The following STK32A variants were observed in gnomAD, a reference collection of about 807,000 sequenced individuals.
STK32A encodes serine/threonine kinase 32A.
A neutral mutation model predicts 53.2 loss-of-function variants in STK32A; 41 were observed. The observed-to-expected ratio is 0.77, with a 90% confidence interval of 0.60 to 1.00. The LOEUF (loss-of-function observed/expected upper bound fraction) is 1.00, where lower values mean the gene tolerates loss of function less well. Ranked by LOEUF, STK32A falls within the 50% of genes least tolerant of loss-of-function variation. STK32A has a pLI of 0.00. For synonymous variants in STK32A, 166 were observed against 162.8 expected (o/e 1.02, Z -0.15); for missense variants, 458 against 485.8 (o/e 0.94, Z 0.54).
At chr5:147,362,617 T>C (rs1204724012) in intron 8 of STK32A, among the ~76,000 whole-genome samples, 1 of 152,198 alleles carries the variant, frequency 6.6e-6, no homozygotes, top group African/African-American at 2.4e-5. Context: ...CATGTCCTTC[T>C]CATATGCAAA....
intron 2 of STK32A, among the ~76,000 whole-genome samples, chr5:147,261,627 C>T (rs4705146): frequency 0.3 from 44,999 of 151,838 alleles, 7,026 homozygotes; most frequent in African/African-American, 0.36. Flanking sequence ...ATTGAACATA[C>T]TGACATATTA....
rs191310031 is a variant in STK32A at position 147,374,625 on chromosome 5, A to C, written c.904-465A>C. On this transcript the variant is annotated intron_variant, in intron 10 of 12. Coordinates refer to ENST00000397936, the MANE Select transcript of STK32A (RefSeq NM_001112724.2). ...TGCAATTAGCCATCAATGCTGGCTC[A>C]AAAGAAGTTCTACGTTATGCTTCTC... Among the ~76,000 whole-genome samples the C allele has an allele frequency of 7.9e-5, 12 of 152,280 alleles. No individual in the cohort carries two copies. The East Asian group carries it at 1.9e-3, about 25-fold the overall frequency.
At position 147,239,111 on chromosome 5, in the gene STK32A, T is replaced by A. The variant is rs185674113; in HGVS notation, c.-96-428T>A. Among the ~76,000 whole-genome samples, 480 of 152,312 alleles carry A rather than the reference T, an allele frequency of 3.2e-3. 3 individuals are homozygous for A. The highest frequency in any genetic ancestry group is 3.7e-3 in the Admixed American group (56 of 15,294). ...AGTCCAACCCAGAACTTGCTTCTTTTACATTGTAGTACCCTCCAGGGTATG... is the reference window on the plus strand; with the variant it reads ...AGTCCAACCCAGAACTTGCTTCTTTAACATTGTAGTACCCTCCAGGGTATG... On this transcript the variant is annotated intron_variant, in intron 1 of 12. Coordinates refer to ENST00000397936, the MANE Select transcript of STK32A (RefSeq NM_001112724.2).
At chr5:147,394,963 T>C in the STK32A span, among the ~76,000 whole-genome samples, 1 of 152,212 alleles carries the variant, frequency 6.6e-6, no homozygotes, top group South Asian at 2.1e-4. Context: ...TTCTCCATTT[T>C]AAGACTACTG....
rs1754496851 is a variant in STK32A, at chr5:147,260,317, CTT to C, written c.53-17806_53-17805del. Among the ~76,000 whole-genome samples the C allele has an allele frequency of 3.0e-5, 4 of 131,812 alleles. No individual in the cohort carries two copies. In the South Asian group the frequency reaches 7.3e-4, roughly 24 times the overall value. 86.5% of individuals were successfully genotyped at this position (131,812 alleles called of 152,430 possible). A position where few individuals can be genotyped will look rare whatever the true frequency, so the allele number is the denominator to read the frequency against. On this transcript the variant is annotated intron_variant, in intron 2 of 12. Coordinates refer to ENST00000397936, the MANE Select transcript of STK32A (RefSeq NM_001112724.2). ...CCTGTCTCTCTCTCTCTCTCTCTCT[CTT>C]CTCCGTCTCTATCTGTCTCACTCTC... is the stretch of plus-strand genomic sequence containing the variant.
intron 2 of STK32A, among the ~76,000 whole-genome samples, chr5:147,269,483 G>C (rs4440418): frequency 6.6e-6 from 1 of 151,828 alleles, no homozygotes; most frequent in African/African-American, 2.4e-5. Flanking sequence ...GAAGCCAGAC[G>C]TGTGGGCAAC....
chr5:147,394,487 C>G, the STK32A span, among the ~76,000 whole-genome samples: 4 of 152,104 alleles, frequency 2.6e-5, no homozygotes, highest in Non-Finnish European at 5.9e-5. Context: ...AGAGAGGTGC[C>G]CTTATCTGTT....
At chr5:147,342,642 C>G (rs973200660) in intron 5 of STK32A, 1 of 208,412 alleles carries the variant, frequency 4.8e-6, no homozygotes, top group African/African-American at 2.3e-5. Context: ...CTTAATACTA[C>G]TAACATTACT....
At chr5:147,259,439 G>A (rs568999043) in intron 2 of STK32A, among the ~76,000 whole-genome samples, 6 of 152,190 alleles carry the variant, frequency 3.9e-5, no homozygotes, top group Non-Finnish European at 8.8e-5. Flanking sequence ...AGTGCTTTCA[G>A]GCTATGCCCT....
Position 147,259,553 on chromosome 5 carries a change from T to A in STK32A, c.53-18571T>A, listed in dbSNP as rs547315929. Among the ~76,000 whole-genome samples, 19 of 150,392 alleles carry A rather than the reference T, an allele frequency of 1.3e-4. No individual in the cohort carries two copies. The South Asian group carries it at 3.4e-3, about 27-fold the overall frequency. ...AAATTTACCCTGGCTTTTTTTTTTT[T>A]ATTATTATACTTTAAGTCCTAGGGT... is the stretch of plus-strand genomic sequence containing the variant. On this transcript the variant is annotated intron_variant, in intron 2 of 12. Coordinates refer to ENST00000397936, the MANE Select transcript of STK32A (RefSeq NM_001112724.2).
intron 8 of STK32A, among the ~76,000 whole-genome samples, chr5:147,366,172 ATTTGTGTAT>A (rs1272284850): frequency 1.3e-5 from 2 of 152,010 alleles, no homozygotes; most frequent in African/African-American, 4.8e-5. Context: ...TTTTGCTTCC[ATTTGTGTAT>A]TTCTGACCCT....
At position 147,279,261 on chromosome 5, in the gene STK32A, GA is replaced by G; in HGVS notation, c.125del (p.Lys42ArgfsTer10). 6.2e-7 allele frequency: 1 copy of G among 1,613,656 alleles called. No homozygotes were observed. The highest frequency in any genetic ancestry group is 8.5e-7 in the Non-Finnish European group (1 of 1,179,776). On this transcript the variant is annotated frameshift_variant, in exon 4 of 13. Coordinates refer to ENST00000397936, the MANE Select transcript of STK32A (RefSeq NM_001112724.2). LOFTEE classifies it high-confidence loss of function. ...TTCACCATTAGGTCTGCATTGTACAGAAGAATGATACCAAGAAGATGTACGC... is the reference window on the plus strand; with the variant it reads ...TTCACCATTAGGTCTGCATTGTACAGAGAATGATACCAAGAAGATGTACGC... The part of the protein sequence containing the change: ...GSFGKVCIVQ[K>X]NDTKKMYAMK...
At chr5:147,289,416 C>A (rs768171819) in intron 4 of STK32A, among the ~76,000 whole-genome samples, 2 of 152,074 alleles carry the variant, frequency 1.3e-5, no homozygotes, top group African/African-American at 2.4e-5. Context: ...TTTCAATAAT[C>A]TCATTCATGC....
chr5:147,241,731 A>T (rs1753592225), intron 2 of STK32A, among the ~76,000 whole-genome samples: 1 of 152,032 alleles, frequency 6.6e-6, no homozygotes, highest in Non-Finnish European at 1.5e-5. Flanking sequence ...ATATTACTTA[A>T]TTTTTCTGTC....
At chr5:147,365,263 T>G (rs1581142063) in intron 8 of STK32A, among the ~76,000 whole-genome samples, 1 of 152,154 alleles carries the variant, frequency 6.6e-6, no homozygotes, top group Non-Finnish European at 1.5e-5. Flanking sequence ...AAAAGGAGGA[T>G]CTCACAATTG....
intron 8 of STK32A, among the ~76,000 whole-genome samples, chr5:147,363,554 G>A (rs528163666): frequency 2.7e-4 from 41 of 152,158 alleles, no homozygotes; most frequent in Non-Finnish European, 8.8e-5. Flanking sequence ...TCTGTGAATC[G>A]CCCTCATGAT....
At chr5:147,259,059 A>T (rs1754370509) in intron 2 of STK32A, among the ~76,000 whole-genome samples, 1 of 151,968 alleles carries the variant, frequency 6.6e-6, no homozygotes, top group Non-Finnish European at 1.5e-5. Context: ...CTGAATACTC[A>T]TTGTGTCTTT....
the STK32A span, chr5:147,401,816 G>T: frequency 3.3e-6 from 4 of 1,223,028 alleles, no homozygotes; most frequent in Non-Finnish European, 4.5e-6. Flanking sequence ...GACTGACCTG[G>T]GTTCAAGTCC....
chr5:147,383,969 A>T lies in STK32A; in HGVS notation c.1177A>T (p.Asn393Tyr), dbSNP rs1215979587. The T allele has an allele frequency of 6.2e-7, 1 of 1,605,546 alleles. No individual in the cohort carries two copies. Among genetic ancestry groups the T allele is most frequent in the Non-Finnish European group, 8.5e-7 (1 of 1,177,348 alleles). The change falls in exon 13 of 13, where the codon AAT becomes TAT. Residue 393 changes from asparagine to tyrosine, a missense_variant. Transcript: ENST00000397936. ...TKDPQGEDGQ[N>Y]NNL is the part of the protein sequence containing the mutation. ...AGACCCACAAGGTGAGGATGGTCAG[A>T]ATAACAACTTGTAAAGGCCTCATGT...
Sources: allele counts gnomAD v4.1 joint callset (sites outside exome capture counted in the v4.1 genomes callset), GRCh38; gene constraint gnomAD v4.1.1; transcripts MANE v1.5; gene names NCBI Gene and HGNC (gene_info 2026-07-23, HGNC 2026-07-21).